ESR2: variants seen among roughly 807,000 people sequenced by gnomAD.
The protein encoded by ESR2 is estrogen receptor 2, also known as estrogen receptor beta.
In ESR2, 36 loss-of-function variants were observed where a neutral mutation model predicts 49.6. The ratio of observed to expected loss-of-function variants is 0.73; its 90% CI spans 0.56 to 0.96. The LOEUF is 0.96. ESR2 is among the 40% of genes least tolerant of loss of function. ESR2 has a pLI of 0.00. For synonymous variants in ESR2, 320 were observed against 266.1 expected (o/e 1.20, Z -1.97); for missense variants, 714 against 693.0 (o/e 1.03, Z -0.34).
At chr14:64,315,798 G>A (rs1206892301) in intron 1 of ESR2, among the ~76,000 whole-genome samples, 3 of 152,052 alleles carry the variant, frequency 2.0e-5, no homozygotes, top group Non-Finnish European at 4.4e-5. Flanking sequence ...AGAACTACAG[G>A]TGCGTGCCAC....
In ESR2 at chr14:64,231,816, A is replaced by G. The variant is rs975052884; in HGVS notation, c.*1321T>C. On this transcript the variant is annotated 3_prime_UTR_variant, in exon 9 of 9. Transcript: ENST00000341099. ...TTTACATATTCACCGTGTATCCAAA[A>G]CTGGAAATTTCACATCTTTTAAAAG... 2.6e-5 allele frequency: 4 copies of G among 152,180 alleles called. No homozygotes were observed. Among genetic ancestry groups the G allele is most frequent in the African/African-American group, 9.7e-5 (4 of 41,440 alleles). 9.4% of individuals were successfully genotyped at this position (152,180 alleles called of 1,614,324 possible). A position where few individuals can be genotyped will look rare whatever the true frequency, so the allele number is the denominator to read the frequency against.
At chr14:64,237,260 A>G (rs1046896855) in intron 7 of ESR2, among the ~76,000 whole-genome samples, 44 of 152,218 alleles carry the variant, frequency 2.9e-4, no homozygotes, top group African/African-American at 1.0e-3. Context: ...GTGCCCGGCC[A>G]GACCCTTATT....
chr14:64,253,145 C>A (rs144251834), intron 6 of ESR2, among the ~76,000 whole-genome samples: 1 of 151,970 alleles, frequency 6.6e-6, no homozygotes, highest in Non-Finnish European at 1.5e-5. Context: ...TGTGAGCAAC[C>A]GAGCCCGGCC....
intron 7 of ESR2, among the ~76,000 whole-genome samples, chr14:64,244,521 T>C (rs1187611495): frequency 2.0e-5 from 3 of 151,956 alleles, no homozygotes; most frequent in Non-Finnish European, 2.9e-5. Flanking sequence ...AGGAAGAGAA[T>C]TCTCTCTCTC....
upstream of ESR2, among the ~76,000 whole-genome samples, chr14:64,296,234 A>G (rs1314735426): frequency 6.6e-6 from 1 of 152,166 alleles, no homozygotes; most frequent in Admixed American, 6.5e-5. Flanking sequence ...AAGCACCTGC[A>G]CAGCATCTCA....
chr14:64,254,871 T>C (rs2076067042), intron 6 of ESR2, among the ~76,000 whole-genome samples: 1 of 151,890 alleles, frequency 6.6e-6, no homozygotes, highest in Non-Finnish European at 1.5e-5. Context: ...CATTTACAAT[T>C]CCCAAGAATT....
intron 1 of ESR2, among the ~76,000 whole-genome samples, chr14:64,288,106 C>G (rs957305804): frequency 2.6e-5 from 4 of 152,300 alleles, no homozygotes; most frequent in African/African-American, 7.2e-5. Context: ...AGAGACCTCT[C>G]TCTCTCTCCC....
chr14:64,261,232 CTTTTTTCTTTT>C (rs1480912714), intron 4 of ESR2, among the ~76,000 whole-genome samples: 2 of 88,682 alleles, frequency 2.3e-5, no homozygotes, highest in African/African-American at 9.3e-5. Flanking sequence ...TTTTATTTTT[CTTTTTTCTTTT>C]TTTTTTTTTT....
intron 1 of ESR2, among the ~76,000 whole-genome samples, chr14:64,332,748 G>A (rs1596503632): frequency 2.0e-5 from 3 of 148,116 alleles, no homozygotes; most frequent in South Asian, 2.2e-4. Flanking sequence ...TGCAGTGAGC[G>A]GAGATCGCAC....
At chr14:64,260,211 T>C (rs2140724841) in intron 5 of ESR2, 1 of 741,236 alleles carries the variant, frequency 1.3e-6, no homozygotes, top group Non-Finnish European at 2.5e-6. Flanking sequence ...CACTACCATG[T>C]TGGGTACAGA....
rs745433371 is a variant in ESR2 at position 64,280,012 on chromosome 14, T to A, written c.504A>T (p.Gly168=). Residue 168 remains glycine (G), a synonymous_variant, in exon 3 of 9, where the codon GGA becomes GGT. Coordinates refer to ENST00000341099, the MANE Select transcript of ESR2 (RefSeq NM_001437.3). ...GYHYGVWSCE[G]CKAFFKRSIQ... ...TGCTTCTTTTAAAAAAGGCCTTACA[T>A]CCTTCACACGACCAGACTCCATAGT... 1.2e-6 allele frequency: 2 copies of A among 1,614,138 alleles called. No homozygotes were observed. Among genetic ancestry groups the A allele is most frequent in the Admixed American group, 3.3e-5 (2 of 60,018 alleles).
chr14:64,248,068 CT>C (rs1197573647), intron 7 of ESR2, among the ~76,000 whole-genome samples: 3 of 152,130 alleles, frequency 2.0e-5, no homozygotes, highest in African/African-American at 7.2e-5. Flanking sequence ...GTGGCAGGTG[CT>C]TGTGGTCTCA....
At chr14:64,299,630 G>A (rs919890940) in intron 1 of ESR2, among the ~76,000 whole-genome samples, 4 of 152,092 alleles carry the variant, frequency 2.6e-5, no homozygotes, top group Admixed American at 6.5e-5. Flanking sequence ...CCAAAGTGCT[G>A]GGATTACAGG....
intron 4 of ESR2, among the ~76,000 whole-genome samples, chr14:64,261,828 T>G (rs2076231045): frequency 6.6e-6 from 1 of 152,166 alleles, no homozygotes; most frequent in Non-Finnish European, 1.5e-5. Flanking sequence ...CATAGCTCAC[T>G]GCAGCCTTCA....
chr14:64,316,659 A>C (rs186924012), intron 1 of ESR2, among the ~76,000 whole-genome samples: 1 of 151,794 alleles, frequency 6.6e-6, no homozygotes, highest in Non-Finnish European at 1.5e-5. Context: ...AAATACAAAA[A>C]TTAGTCAGGC....
intron 1 of ESR2, among the ~76,000 whole-genome samples, chr14:64,288,660 T>A: frequency 6.6e-6 from 1 of 150,450 alleles, no homozygotes. Flanking sequence ...ACTAGACTGG[T>A]TTTTATCAAA....
chr14:64,325,504 G>C (rs150379331), intron 1 of ESR2, among the ~76,000 whole-genome samples: 1 of 152,172 alleles, frequency 6.6e-6, no homozygotes, highest in Non-Finnish European at 1.5e-5. Flanking sequence ...GAGATATAGT[G>C]AGAAAAGTTA....
intron 1 of ESR2, among the ~76,000 whole-genome samples, chr14:64,286,815 G>A (rs1361082423): frequency 2.6e-5 from 4 of 151,826 alleles, no homozygotes. Flanking sequence ...TCCAGGGTTT[G>A]AGGCGATTCC....
chr14:64,327,804 G>A (rs2077407870), intron 1 of ESR2, among the ~76,000 whole-genome samples: 1 of 151,752 alleles, frequency 6.6e-6, no homozygotes, highest in South Asian at 2.1e-4. Flanking sequence ...AGGAGGCAGA[G>A]GTTGCAGTGA....
Sources: gnomAD v4.1 joint callset for allele counts (sites outside exome capture counted in the v4.1 genomes callset) on GRCh38, gnomAD v4.1.1 for gene constraint, MANE v1.5 for transcripts, NCBI Gene and HGNC (gene_info 2026-07-23, HGNC 2026-07-21) for gene names.